LRP1: variants seen among roughly 807,000 people sequenced by gnomAD.
LRP1 encodes the protein prolow-density lipoprotein receptor-related protein 1.
A neutral mutation model predicts 541.5 loss-of-function variants in LRP1; 51 were observed. The ratio of observed to expected loss-of-function variants is 0.09; its 90% CI spans 0.08 to 0.12. LRP1 has a LOEUF of 0.12. Among genes scored for constraint, LRP1 ranks in the 10% least tolerant of loss-of-function variants. The pLI is 1.00. For missense variants in LRP1, 3,878 were observed against 6,376.2 expected (o/e 0.61, Z 13.34); for synonymous variants, 2,219 against 2,470.8 (o/e 0.90, Z 3.02).
At chr12:57,140,470 C>T (rs942983840) in intron 2 of LRP1, among the ~76,000 whole-genome samples, 2 of 152,158 alleles carry the variant, frequency 1.3e-5, no homozygotes, top group Non-Finnish European at 1.5e-5. Context: ...TCATATAAAA[C>T]CTTTAGAGAT....
In LRP1 at chr12:57,204,676, C is replaced by T. The variant is rs1456535635; in HGVS notation, c.11121C>T (p.Arg3707=). 28 of 1,613,960 alleles carry T rather than the reference C, an allele frequency of 1.7e-5. No individual in the cohort carries two copies. Among genetic ancestry groups the T allele is most frequent in the East Asian group, 4.5e-5 (2 of 44,900 alleles). Residue 3707 remains arginine (R), a synonymous_variant, in exon 72 of 89, where the codon CGC becomes CGT. Coordinates refer to ENST00000243077, the MANE Select transcript of LRP1 (RefSeq NM_002332.3). This position sits in a 1 kb window ranked among gnomAD's most constrained non-coding sequence, Gnocchi z 5.3. The part of the protein sequence containing the change: ...PNRPFRCKND[R]VCLWIGRQCD... ...GGCCCTTCCGTTGCAAGAATGACCG[C>T]GTCTGTCTGTGGATCGGGCGCCAAT...
At chr12:57,202,995 C>T (rs117503633) in intron 68 of LRP1, 186 bp from the exon 69 acceptor site, 14 of 589,186 alleles carry the variant, frequency 2.4e-5, no homozygotes, top group East Asian at 8.4e-5. Flanking sequence ...AGTGCGAGCC[C>T]GCCTGTGCCC....
chr12:57,202,362 T>C (rs1488378414), intron 67 of LRP1, 59 bp from the exon 68 acceptor site: 1 of 1,327,832 alleles, frequency 7.5e-7, no homozygotes, highest in Non-Finnish European at 1.1e-6. Flanking sequence ...CATGCCTGCT[T>C]GGACCCTAAT....
chr12:57,193,523 C>A, intron 46 of LRP1, 43 bp from the exon 47 acceptor site: 1 of 1,602,870 alleles, frequency 6.2e-7, no homozygotes. Flanking sequence ...CAGCCCTTTC[C>A]CTGTGCCTGT....
Position 57,183,066 on chromosome 12 carries a change from A to G in LRP1, c.5663-313A>G, listed in dbSNP as rs754392588. On this transcript the variant is annotated intron_variant, in intron 34 of 88. Transcript: ENST00000243077. The surrounding 1 kb of genome is among the most constrained non-coding windows in gnomAD (Gnocchi z 6.1). ...TGAACTCCCAGACTTTCCCTAAGGA[A>G]CTTGCAGGGGTGCAGGGTTGGGTTG... 6.6e-6 allele frequency among the ~76,000 whole-genome samples: 1 copy of G among 152,106 alleles called. No individual in the cohort carries two copies. Among genetic ancestry groups the G allele is most frequent in the Non-Finnish European group, 1.5e-5 (1 of 68,004 alleles).
At chr12:57,190,076 G>C (rs959851214) in intron 42 of LRP1, among the ~76,000 whole-genome samples, 1 of 152,180 alleles carries the variant, frequency 6.6e-6, no homozygotes, top group Non-Finnish European at 1.5e-5. Flanking sequence ...GGCTCAGAGG[G>C]GCGACAGGCT....
chr12:57,207,249 AATAAAT>A (rs2036801386), intron 76 of LRP1, among the ~76,000 whole-genome samples: 1 of 134,584 alleles, frequency 7.4e-6, no homozygotes, highest in Non-Finnish European at 1.6e-5. Context: ...TCTCTAAATA[AATAAAT>A]AAATAAATAA....
Position 57,138,558 on chromosome 12 carries a change from G to T in LRP1, c.167G>T (p.Gly56Val). The T allele has an allele frequency of 6.2e-7, 1 of 1,614,000 alleles. No individual in the cohort carries two copies. The highest frequency in any genetic ancestry group is 8.5e-7 in the Non-Finnish European group (1 of 1,179,918). Residue 56 changes from glycine to valine, a missense_variant, in exon 2 of 89, where the codon GGA becomes GTA. Gly to Val is a moderately radical substitution (Grantham distance 109, BLOSUM62 -3). This residue lies in a region of LRP1 where 293 missense variants were observed against 403.7 expected (regional missense o/e 0.73). Coordinates refer to ENST00000243077, the MANE Select transcript of LRP1 (RefSeq NM_002332.3). ...RCDGERDCPD[G>V]SDEAPEICPQ... ...GACGGTGAGAGGGACTGCCCAGACG[G>T]ATCTGACGAGGCCCCTGAGATTTGT... is the stretch of plus-strand genomic sequence containing the variant.
Position 57,183,560 on chromosome 12 carries a change from G to C in LRP1, c.5794+50G>C. On this transcript the variant is annotated intron_variant, in intron 35 of 88. Transcript: ENST00000243077. The surrounding 1 kb of genome is among the most constrained non-coding windows in gnomAD (Gnocchi z 6.1). Reference sequence around the variant, plus strand: ...GTTGGGCGTGGCGTAGGAGCTTTAGGGGTGGTGTGGTGTGCCCTGAGGGTC... The same window carrying C: ...GTTGGGCGTGGCGTAGGAGCTTTAGCGGTGGTGTGGTGTGCCCTGAGGGTC... 4 of 1,582,560 alleles carry C rather than the reference G, an allele frequency of 2.5e-6. No homozygotes were observed. Among genetic ancestry groups the C allele is most frequent in the Non-Finnish European group, 3.4e-6 (4 of 1,162,036 alleles).
In LRP1 at chr12:57,201,733, A is replaced by G; in HGVS notation, c.10469-47A>G. The G allele has an allele frequency of 6.2e-7, 1 of 1,602,442 alleles. No individual in the cohort carries two copies. The highest frequency in any genetic ancestry group is 8.5e-7 in the Non-Finnish European group (1 of 1,171,824). On this transcript the variant is annotated intron_variant, in intron 66 of 88. Coordinates refer to ENST00000243077, the MANE Select transcript of LRP1 (RefSeq NM_002332.3). This position sits in a 1 kb window ranked among gnomAD's most constrained non-coding sequence, Gnocchi z 6.4. ...CTCACTCTCCCCACCCTCCCGGCAC[A>G]CTCCTGGAAGGAGTCTCATCCTCAC...
intron 6 of LRP1, among the ~76,000 whole-genome samples, chr12:57,148,372 G>C (rs73342531): frequency 0.029 from 4,489 of 152,200 alleles, 231 homozygotes; most frequent in African/African-American, 0.1. Flanking sequence ...AAAGACTAAA[G>C]TTCTGAAAAT....
In LRP1 at chr12:57,208,107, T is replaced by C; in HGVS notation, c.11929T>C (p.Ser3977Pro). The change falls in exon 77 of 89, where the codon TCG becomes CCG. Residue 3977 changes from serine to proline, a missense_variant. Ser to Pro is a moderately conservative substitution (Grantham distance 74). Transcript: ENST00000243077. ...WVAGNVYWTDSGRDVIEVAQM... is the reference protein window; with the variant it reads ...WVAGNVYWTDPGRDVIEVAQM... ...GGCCGGAAACGTGTACTGGACCGAC[T>C]CGGGCCGAGATGTGATTGAGGTGGC... 2 of 1,614,114 alleles carry C rather than the reference T, an allele frequency of 1.2e-6. No individual in the cohort carries two copies. The highest frequency in any genetic ancestry group is 1.7e-6 in the Non-Finnish European group (2 of 1,180,000).
chr12:57,179,220 A>C lies in LRP1; in HGVS notation c.4739-109A>C, dbSNP rs1370297607. ...CCCAGCGGGGTATGTCCACGGAGCCAAGGGCCAGTAGCAAACAGACGGATC... is the reference window on the plus strand; with the variant it reads ...CCCAGCGGGGTATGTCCACGGAGCCCAGGGCCAGTAGCAAACAGACGGATC... On this transcript the variant is annotated intron_variant, in intron 28 of 88. Coordinates refer to ENST00000243077, the MANE Select transcript of LRP1 (RefSeq NM_002332.3). This position sits in a 1 kb window ranked among gnomAD's most constrained non-coding sequence, Gnocchi z 6.8. 8.5e-7 allele frequency: 1 copy of C among 1,171,060 alleles called. No individual in the cohort carries two copies. Among genetic ancestry groups the C allele is most frequent in the African/African-American group, 1.5e-5 (1 of 65,752 alleles). 72.5% of individuals were successfully genotyped at this position (1,171,060 alleles called of 1,614,324 possible).
Position 57,185,414 on chromosome 12 carries a change from A to G in LRP1, c.6464-117A>G. On this transcript the variant is annotated intron_variant, in intron 40 of 88. Transcript: ENST00000243077. The surrounding 1 kb of genome is among the most constrained non-coding windows in gnomAD (Gnocchi z 4.9). ...ATTGGACTCTGGGCCCTGGAGGGTCATTCAAGCTGGGAATACCGAGGCAGA... is the reference window on the plus strand; with the variant it reads ...ATTGGACTCTGGGCCCTGGAGGGTCGTTCAAGCTGGGAATACCGAGGCAGA... The G allele has an allele frequency of 7.2e-7, 1 of 1,388,924 alleles. No individual in the cohort carries two copies. The highest frequency in any genetic ancestry group is 2.4e-5 in the East Asian group (1 of 41,312). The allele number at this position is 1,388,924 out of a possible 1,614,324, so 86.0% of individuals were successfully genotyped here. A position where few individuals can be genotyped will look rare whatever the true frequency, so the allele number is the denominator to read the frequency against.
In LRP1 at chr12:57,165,963, C is replaced by A. The variant is rs1035620470; in HGVS notation, c.2671+18C>A. On this transcript the variant is annotated intron_variant, in intron 16 of 88. Transcript: ENST00000243077. This position sits in a 1 kb window ranked among gnomAD's most constrained non-coding sequence, Gnocchi z 4.5. ...CCTCTGCCGTGAGTCACACGCCCTG[C>A]CCCACCCTGTTGGATGGCAGGCCTG... 1 of 1,613,752 alleles carries A rather than the reference C, an allele frequency of 6.2e-7. No homozygotes were observed. The highest frequency in any genetic ancestry group is 1.7e-5 in the Admixed American group (1 of 60,034).
intron 79 of LRP1, 107 bp downstream of exon 79, chr12:57,209,306 C>A: frequency 2.2e-6 from 2 of 921,358 alleles, no homozygotes; most frequent in South Asian, 3.0e-5. Context: ...TTGTCACTGA[C>A]CCCCAGCAAT....
At position 57,173,345 on chromosome 12, in the gene LRP1, A is replaced by G; in HGVS notation, c.3341A>G (p.Asp1114Gly). The change falls in exon 21 of 89, where the codon GAC becomes GGC. Residue 1114 changes from aspartate (D) to glycine (G), a missense_variant. Transcript: ENST00000243077. This position sits in a 1 kb window ranked among gnomAD's most constrained non-coding sequence, Gnocchi z 4.7. ...CCCAGTGTCAAGTTTGGCTGCAAGGACTCAGGTGAAGAGGATGGTTGGAGG... is the reference window on the plus strand; with the variant it reads ...CCCAGTGTCAAGTTTGGCTGCAAGGGCTCAGGTGAAGAGGATGGTTGGAGG... ...CDPSVKFGCK[D>G]SARCISKAWV... 6.2e-7 allele frequency: 1 copy of G among 1,612,894 alleles called. No individual in the cohort carries two copies. The highest frequency in any genetic ancestry group is 8.5e-7 in the Non-Finnish European group (1 of 1,179,150).
chr12:57,207,968 C>T, intron 76 of LRP1, 70 bp from the exon 77 acceptor site: 3 of 1,546,580 alleles, frequency 1.9e-6, no homozygotes, highest in Non-Finnish European at 2.7e-6. Context: ...AGCAGGCTGG[C>T]AGAGTGGTGG....
chr12:57,166,939 GC>G lies in LRP1; in HGVS notation c.2814del (p.Asn939ThrfsTer41). 1 of 1,610,806 alleles carries G rather than the reference GC, an allele frequency of 6.2e-7. No homozygotes were observed. Among genetic ancestry groups the G allele is most frequent in the Non-Finnish European group, 8.5e-7 (1 of 1,177,236 alleles). The part of the protein sequence containing the change: ...ESNATCSART[C>X]PPNQFSCASG... ...CATCCCTGCCCCCCAGCCCGCACCT[GC>G]CCCCCCAACCAGTTCTCCTGTGCCA... On this transcript the variant is annotated frameshift_variant, in exon 18 of 89. Coordinates refer to ENST00000243077, the MANE Select transcript of LRP1 (RefSeq NM_002332.3). LOFTEE classifies it high-confidence loss of function.
Sources: allele counts gnomAD v4.1 joint callset (sites outside exome capture counted in the v4.1 genomes callset), GRCh38; gene constraint gnomAD v4.1.1; regional missense constraint gnomAD v4.1.1; non-coding constraint Gnocchi (gnomAD v3.1); transcripts MANE v1.5; gene names NCBI Gene and HGNC (gene_info 2026-07-23, HGNC 2026-07-21).